The following CCSER1 variants were observed in gnomAD, a reference collection of about 807,000 sequenced individuals.
The protein encoded by CCSER1 is serine-rich coiled-coil domain-containing protein 1.
A neutral mutation model predicts 82.0 loss-of-function variants in CCSER1; 41 were observed. The observed-to-expected ratio is 0.50, with a 90% CI of 0.39 to 0.65. The LOEUF (loss-of-function observed/expected upper bound fraction) is 0.65, where lower values mean the gene tolerates loss of function less well. Among genes scored for constraint, CCSER1 ranks in the 30% least tolerant of loss-of-function variants. The pLI is 0.00. For synonymous variants in CCSER1, 414 were observed against 383.9 expected (o/e 1.08, Z -0.92); for missense variants, 1,119 against 1,064.2 (o/e 1.05, Z -0.72).
chr4:90,403,329 C>G (rs1054928099), intron 4 of CCSER1, among the ~76,000 whole-genome samples: 2 of 151,478 alleles, frequency 1.3e-5, no homozygotes, highest in African/African-American at 2.4e-5. Flanking sequence ...GAAACCCCGT[C>G]TCTACTAAAA....
In CCSER1 at chr4:91,599,203, A is replaced by G. The variant is rs72658064; in HGVS notation, c.*146A>G. On this transcript the variant is annotated 3_prime_UTR_variant, in exon 11 of 11. Transcript: ENST00000509176. ...GTTGGGTTTTTTTTCTTAGTCATAA[A>G]CAAAGACTTGTGGGTTTTTTTTTTC... 7,900 of 1,055,072 alleles carry G rather than the reference A, an allele frequency of 7.5e-3. 48 individuals are homozygous for G. Among genetic ancestry groups the G allele is most frequent in the Non-Finnish European group, 9.0e-3 (6,886 of 762,490 alleles). 65.4% of individuals were successfully genotyped at this position (1,055,072 alleles called of 1,614,324 possible). A position where few individuals can be genotyped will look rare whatever the true frequency, so the allele number is the denominator to read the frequency against.
chr4:90,697,549 A>G (rs902942630), intron 6 of CCSER1, among the ~76,000 whole-genome samples: 1 of 152,042 alleles, frequency 6.6e-6, no homozygotes, highest in Non-Finnish European at 1.5e-5. Context: ...ATTCTTACCT[A>G]CTTTTATTGA....
At chr4:90,968,250 C>T (rs535150652) in intron 9 of CCSER1, among the ~76,000 whole-genome samples, 9 of 151,860 alleles carry the variant, frequency 5.9e-5, no homozygotes, top group East Asian at 5.8e-4. Flanking sequence ...AATAGTATGT[C>T]GAAAGAACTT....
intron 6 of CCSER1, among the ~76,000 whole-genome samples, chr4:90,719,120 T>C (rs1343975950): frequency 6.6e-6 from 1 of 152,138 alleles, no homozygotes; most frequent in Non-Finnish European, 1.5e-5. Flanking sequence ...GCGAGTGAGC[T>C]AAGCTTCAGC....
chr4:90,468,505 A>C, intron 5 of CCSER1, 151 bp downstream of exon 5: 1 of 618,822 alleles, frequency 1.6e-6, no homozygotes, highest in Non-Finnish European at 2.6e-6. Flanking sequence ...ATATTATCTT[A>C]ATGAATTAAC....
intron 9 of CCSER1, among the ~76,000 whole-genome samples, chr4:91,067,997 A>G (rs758188336): frequency 6.6e-6 from 1 of 152,194 alleles, no homozygotes; most frequent in African/African-American, 2.4e-5. Flanking sequence ...TGTTAGACAT[A>G]GCCATGGAAT....
intron 8 of CCSER1, among the ~76,000 whole-genome samples, chr4:90,919,855 T>C (rs1289642094): frequency 2.0e-5 from 3 of 152,008 alleles, no homozygotes; most frequent in Non-Finnish European, 2.9e-5. Flanking sequence ...TTTTACTTTT[T>C]TACATAATAT....
Position 90,628,065 on chromosome 4 carries a change from G to A in CCSER1, c.1765G>A (p.Ala589Thr), listed in dbSNP as rs776399571. The change falls in exon 6 of 11, where the codon GCC (alanine) becomes ACC (threonine). Residue 589 changes from alanine to threonine, a missense_variant. Transcript: ENST00000509176. The part of the protein sequence containing the change: ...LKLTKDVDQE[A>T]RCSHISRMPN... Reference sequence around the variant, plus strand: ...ATTAACAAAGGACGTTGATCAAGAAGCCAGGTGTTCCCACATCAGCCGAAT... The same window carrying A: ...ATTAACAAAGGACGTTGATCAAGAAACCAGGTGTTCCCACATCAGCCGAAT... 1 of 1,613,418 alleles carries A rather than the reference G, an allele frequency of 6.2e-7. No homozygotes were observed. The highest frequency in any genetic ancestry group is 1.1e-5 in the South Asian group (1 of 91,060).
intron 10 of CCSER1, among the ~76,000 whole-genome samples, chr4:91,253,433 G>T (rs1184368348): frequency 6.6e-6 from 1 of 151,992 alleles, no homozygotes; most frequent in African/African-American, 2.4e-5. Context: ...AACTGTGTGG[G>T]GTTCAGCACC....
intron 10 of CCSER1, among the ~76,000 whole-genome samples, chr4:91,436,969 T>G (rs1364817560): frequency 6.6e-6 from 1 of 152,226 alleles, no homozygotes; most frequent in East Asian, 1.9e-4. Flanking sequence ...TTACCTGTCT[T>G]CCTGGCAATT....
chr4:90,723,815 A>G (rs959464308), intron 6 of CCSER1, 99 bp from the exon 7 acceptor site: 2 of 489,016 alleles, frequency 4.1e-6, no homozygotes, highest in Non-Finnish European at 7.2e-6. Context: ...TTTACTTATT[A>G]TTTGTTTATT....
intron 9 of CCSER1, among the ~76,000 whole-genome samples, chr4:91,078,159 A>C (rs2148790658): frequency 6.6e-6 from 1 of 152,292 alleles, no homozygotes; most frequent in East Asian, 1.9e-4. Flanking sequence ...CAGGTTCCTG[A>C]CCCCTGAGTA....
intron 10 of CCSER1, among the ~76,000 whole-genome samples, chr4:91,357,792 AT>A (rs201725584): frequency 2.0e-4 from 28 of 143,172 alleles, no homozygotes; most frequent in Middle Eastern, 3.8e-3. Context: ...TATTACAAAC[AT>A]TTTTTTTTTC....
intron 6 of CCSER1, among the ~76,000 whole-genome samples, chr4:90,654,458 T>C (rs1238009277): frequency 6.6e-6 from 1 of 152,158 alleles, no homozygotes; most frequent in Admixed American, 6.6e-5. Context: ...TTTTCTTATA[T>C]ATGCAACATA....
chr4:90,438,497 AC>A (rs774452156), intron 4 of CCSER1, among the ~76,000 whole-genome samples: 1 of 152,182 alleles, frequency 6.6e-6, no homozygotes, highest in Non-Finnish European at 1.5e-5. Context: ...TACCAAAAAA[AC>A]AAAACAAAAC....
At chr4:91,023,048 C>A (rs1400956939) in intron 9 of CCSER1, among the ~76,000 whole-genome samples, 1 of 152,004 alleles carries the variant, frequency 6.6e-6, no homozygotes, top group Admixed American at 6.6e-5. Context: ...GCTTTTGTTG[C>A]CATTGCTTTT....
chr4:91,379,626 AC>A (rs1314333562), intron 10 of CCSER1, among the ~76,000 whole-genome samples: 1 of 151,944 alleles, frequency 6.6e-6, no homozygotes, highest in Admixed American at 6.6e-5. Flanking sequence ...TATTGCATCT[AC>A]TTGATTCTTC....
At chr4:90,998,294 C>T (rs1807358) in intron 9 of CCSER1, among the ~76,000 whole-genome samples, 4 of 151,914 alleles carry the variant, frequency 2.6e-5, no homozygotes, top group Admixed American at 6.6e-5. Flanking sequence ...TGATCAAGCT[C>T]GTCTCAAACT....
At chr4:90,489,628 G>A (rs866980410) in intron 5 of CCSER1, among the ~76,000 whole-genome samples, 15 of 151,980 alleles carry the variant, frequency 9.9e-5, no homozygotes, top group Non-Finnish European at 1.6e-4. Flanking sequence ...CCATTAACTC[G>A]TCATTTACAT....
Sources: gnomAD v4.1 joint callset for allele counts (sites outside exome capture counted in the v4.1 genomes callset) on GRCh38, gnomAD v4.1.1 for gene constraint, MANE v1.5 for transcripts, NCBI Gene and HGNC (gene_info 2026-07-23, HGNC 2026-07-21) for gene names.